The following SLC12A9 variants were observed in gnomAD, a reference collection of about 807,000 sequenced individuals.
SLC12A9 encodes CCC-interacting protein 1.
In SLC12A9, 55 loss-of-function variants were observed where a neutral mutation model predicts 66.0. The observed-to-expected ratio is 0.83, with a 90% CI of 0.67 to 1.04. The LOEUF is 1.04. Ranked by LOEUF, SLC12A9 falls within the 50% of genes least tolerant of loss-of-function variation. The pLI is 0.00. For synonymous variants in SLC12A9, 577 were observed against 569.0 expected (o/e 1.01, Z -0.20); for missense variants, 1,061 against 1,241.9 (o/e 0.85, Z 2.19).
Position 100,862,586 on chromosome 7 carries a change from C to T in SLC12A9, c.1712-95C>T, listed in dbSNP as rs538904333. ...CCTTTCCCATGACCCCTCCAAGTAGCCATAGCCCTGCCCAGGCCCGTCTGT... is the reference window on the plus strand; with the variant it reads ...CCTTTCCCATGACCCCTCCAAGTAGTCATAGCCCTGCCCAGGCCCGTCTGT... On this transcript the variant is annotated intron_variant, in intron 12 of 13. Transcript: ENST00000354161. 4 of 1,448,598 alleles carry T rather than the reference C, an allele frequency of 2.8e-6. No homozygotes were observed. The East Asian group carries it at 9.2e-5, about 33-fold the overall frequency. The allele number at this position is 1,448,598 out of a possible 1,614,324, so 89.7% of individuals were successfully genotyped here. A position where few individuals can be genotyped will look rare whatever the true frequency, so the allele number is the denominator to read the frequency against.
chr7:100,846,333 G>C (rs923791132), intron 1 of SLC12A9, among the ~76,000 whole-genome samples: 1 of 152,188 alleles, frequency 6.6e-6, no homozygotes, highest in South Asian at 2.1e-4. Context: ...TTGGGAGGCC[G>C]AGGCGGGTGG....
intron 1 of SLC12A9, among the ~76,000 whole-genome samples, chr7:100,827,672 G>T (rs1284923413): frequency 6.6e-6 from 1 of 152,170 alleles, no homozygotes; most frequent in Admixed American, 6.5e-5. Flanking sequence ...GAGGGGCACC[G>T]AGTGGAGCAG....
Position 100,861,870 on chromosome 7 carries a change from G to C in SLC12A9, c.1670G>C (p.Gly557Ala). 6.2e-7 allele frequency: 1 copy of C among 1,613,412 alleles called. No individual in the cohort carries two copies. The highest frequency in any genetic ancestry group is 8.5e-7 in the Non-Finnish European group (1 of 1,179,698). ...CGGTTGGCCAACCAGCTTAAGAAGGGGGGGCTGTATGTGCTGGGCCACGTC... is the reference window on the plus strand; with the variant it reads ...CGGTTGGCCAACCAGCTTAAGAAGGCGGGGCTGTATGTGCTGGGCCACGTC... ...LLRLANQLKK[G>A]GLYVLGHVTL... Residue 557 changes from glycine (G) to alanine (A), a missense_variant, in exon 12 of 14, where the codon GGG becomes GCG. Gly to Ala is a moderately conservative substitution (Grantham distance 60). Transcript: ENST00000354161. This position sits in a 1 kb window ranked among gnomAD's most constrained non-coding sequence, Gnocchi z 5.3.
Position 100,865,869 on chromosome 7 carries a change from G to C in SLC12A9, c.2009G>C (p.Arg670Pro), listed in dbSNP as rs918149341. The change falls in exon 14 of 14, where the codon CGG becomes CCG. Residue 670 changes from arginine (R) to proline (P), a missense_variant. By Grantham distance (103) the Arg-to-Pro change is moderately radical. Coordinates refer to ENST00000354161, the MANE Select transcript of SLC12A9 (RefSeq NM_020246.4). ...PALSTLFPPP[R>P]APGSPRALNP... ...CTGAGCACCCTGTTCCCTCCTCCCC[G>C]GGCTCCTGGGAGCCCCCGGGCCCTC... The C allele has an allele frequency of 1.9e-6, 3 of 1,613,658 alleles. No homozygotes were observed. The highest frequency in any genetic ancestry group is 1.7e-5 in the Admixed American group (1 of 60,026).
exon 1 of SLC12A9, chr7:100,826,933 G>A (rs1181497242): frequency 5.2e-6 from 8 of 1,534,890 alleles, no homozygotes; most frequent in East Asian, 5.0e-5. Flanking sequence ...TTGGGGGGGA[G>A]GTCCCAGGAG....
chr7:100,860,352 A>G (rs566318733), intron 9 of SLC12A9, 120 bp downstream of exon 9: 2 of 1,015,804 alleles, frequency 2.0e-6, no homozygotes, highest in Non-Finnish European at 1.4e-6. Flanking sequence ...TTGGGGTTGC[A>G]CTGGCACTCT....
intron 1 of SLC12A9, among the ~76,000 whole-genome samples, chr7:100,845,889 C>G (rs1170698228): frequency 6.6e-6 from 1 of 152,178 alleles, no homozygotes; most frequent in African/African-American, 2.4e-5. Context: ...TACAAGCTGT[C>G]TTAAAAATAA....
chr7:100,859,479 G>T, intron 7 of SLC12A9: 1 of 373,972 alleles, frequency 2.7e-6, no homozygotes, highest in Non-Finnish European at 4.9e-6. Flanking sequence ...ACTTTGGGAG[G>T]CTGAGGCAGG....
intron 13 of SLC12A9, among the ~76,000 whole-genome samples, chr7:100,863,699 T>C (rs1434261252): frequency 1.3e-5 from 2 of 152,246 alleles, no homozygotes; most frequent in Non-Finnish European, 2.9e-5. Flanking sequence ...TCTCAGCTTT[T>C]AGCGCTGAGG....
At chr7:100,848,083 C>CAAAAAAA (rs36071720), upstream of SLC12A9, among the ~76,000 whole-genome samples, 9 of 43,948 alleles carry the variant, frequency 2.0e-4, no homozygotes, top group Non-Finnish European at 2.8e-4. Context: ...GACTCCATCT[C>CAAAAAAA]AAAAAAAAAA....
At chr7:100,858,134 G>GAGACCA (rs1814508544) in intron 5 of SLC12A9, 1 of 150,954 alleles carries the variant, frequency 6.6e-6, no homozygotes, top group Admixed American at 6.6e-5. Context: ...TAAATAGGCT[G>GAGACCA]GGTGCGGTGG....
upstream of SLC12A9, among the ~76,000 whole-genome samples, chr7:100,850,259 CTT>C (rs3048154): frequency 3.6e-4 from 29 of 80,636 alleles, no homozygotes; most frequent in Non-Finnish European, 5.4e-4. Context: ...TTCTTTCTTT[CTT>C]TTTTTTTTTT....
intron 4 of SLC12A9, 43 bp downstream of exon 4, chr7:100,855,880 G>A: frequency 6.5e-7 from 1 of 1,535,100 alleles, no homozygotes; most frequent in Non-Finnish European, 8.8e-7. Flanking sequence ...GGGTTTACAG[G>A]GTCTGGGAGT....
At chr7:100,854,777 TG>T in intron 3 of SLC12A9, 23 bp downstream of exon 3, 1 of 1,613,414 alleles carries the variant, frequency 6.2e-7, no homozygotes. Flanking sequence ...ATCGATGGAC[TG>T]GGGTCTGGCC....
rs117370388 is a variant in SLC12A9 at position 100,862,266 on chromosome 7, C to T, written c.1711+355C>T. On this transcript the variant is annotated intron_variant, in intron 12 of 13. Coordinates refer to ENST00000354161, the MANE Select transcript of SLC12A9 (RefSeq NM_020246.4). ...GCCACCACGGCCAGAACCCCTCCCC[C>T]GCTTTTTTTTGAGACAAGGTCTTGC... is the stretch of plus-strand genomic sequence containing the variant. 4.6e-4 allele frequency among the ~76,000 whole-genome samples: 70 copies of T among 151,832 alleles called. No individual in the cohort carries two copies. The East Asian group carries it at 9.6e-3, about 21-fold the overall frequency.
intron 13 of SLC12A9, chr7:100,865,449 C>T (rs1429030636): frequency 8.5e-6 from 13 of 1,535,590 alleles, no homozygotes; most frequent in African/African-American, 1.4e-5. Context: ...TTGGAGTGCT[C>T]ATTAGTGGCA....
chr7:100,828,988 G>T (rs894329099), intron 1 of SLC12A9, among the ~76,000 whole-genome samples: 2 of 151,234 alleles, frequency 1.3e-5, no homozygotes, highest in Non-Finnish European at 3.0e-5. Flanking sequence ...AGCGGGGACA[G>T]ATTTTTTTTT....
At chr7:100,848,374 T>C (rs1813964615), upstream of SLC12A9, among the ~76,000 whole-genome samples, 1 of 151,960 alleles carries the variant, frequency 6.6e-6, no homozygotes, top group South Asian at 2.1e-4. Context: ...CATGGGTGCA[T>C]GTGCCTATAG....
upstream of SLC12A9, among the ~76,000 whole-genome samples, chr7:100,850,512 T>C (rs999017758): frequency 6.6e-6 from 1 of 151,918 alleles, no homozygotes; most frequent in African/African-American, 2.4e-5. Flanking sequence ...AGTACTGGGA[T>C]TACAGGTGCA....
Sources: gnomAD v4.1 joint callset for allele counts (sites outside exome capture counted in the v4.1 genomes callset) on GRCh38, gnomAD v4.1.1 for gene constraint, Gnocchi (gnomAD v3.1) non-coding constraint, MANE v1.5 for transcripts, NCBI Gene and HGNC (gene_info 2026-07-23, HGNC 2026-07-21) for gene names.